BRINP3: variants seen among roughly 807,000 people sequenced by gnomAD.
BRINP3 encodes BMP/retinoic acid-inducible neural-specific protein 3.
A neutral mutation model predicts 71.0 loss-of-function variants in BRINP3; 19 were observed. That is an observed-to-expected ratio of 0.27 (90% CI 0.19 to 0.39). BRINP3 has a LOEUF of 0.39. BRINP3 is among the 10% of genes least tolerant of loss of function. The pLI, the probability that BRINP3 is intolerant of heterozygous loss-of-function variation, is 1.00. For synonymous variants in BRINP3, 380 were observed against 337.7 expected (o/e 1.13, Z -1.37); for missense variants, 959 against 940.8 (o/e 1.02, Z -0.25).
intron 2 of BRINP3, among the ~76,000 whole-genome samples, chr1:190,364,813 T>C (rs1669379737): frequency 6.6e-6 from 1 of 152,070 alleles, no homozygotes; most frequent in African/African-American, 2.4e-5. Flanking sequence ...AAAACTGGAA[T>C]TGGACTACCA....
chr1:190,155,284 T>C (rs1656768021), intron 7 of BRINP3, among the ~76,000 whole-genome samples: 1 of 152,116 alleles, frequency 6.6e-6, no homozygotes, highest in Non-Finnish European at 1.5e-5. Context: ...TTCATAATAA[T>C]AATATATTCA....
chr1:190,398,078 T>C (rs1339850152), intron 2 of BRINP3, among the ~76,000 whole-genome samples: 2 of 151,974 alleles, frequency 1.3e-5, no homozygotes, highest in South Asian at 2.1e-4. Context: ...AAAAATAACA[T>C]ATAAAAGCAC....
At chr1:190,238,339 A>T (rs939472555) in intron 4 of BRINP3, among the ~76,000 whole-genome samples, 3 of 152,048 alleles carry the variant, frequency 2.0e-5, no homozygotes, top group South Asian at 2.1e-4. Context: ...TTACATAATT[A>T]GTATTAAAAA....
intron 2 of BRINP3, among the ~76,000 whole-genome samples, chr1:190,289,113 C>G (rs1304014285): frequency 6.6e-6 from 1 of 151,650 alleles, no homozygotes; most frequent in Non-Finnish European, 1.5e-5. Flanking sequence ...TGCTTCATTT[C>G]AAGTTACATG....
At chr1:190,400,063 G>C (rs1671825500) in intron 2 of BRINP3, among the ~76,000 whole-genome samples, 3 of 151,982 alleles carry the variant, frequency 2.0e-5, no homozygotes. Context: ...TTCTACATAA[G>C]AAAGGTTGAT....
chr1:190,303,710 A>T (rs555884390), intron 2 of BRINP3, among the ~76,000 whole-genome samples: 5 of 151,834 alleles, frequency 3.3e-5, no homozygotes, highest in Non-Finnish European at 7.4e-5. Flanking sequence ...GATGGCACTG[A>T]ATTCACTCAA....
At chr1:190,116,201 G>A (rs569507360) in intron 7 of BRINP3, among the ~76,000 whole-genome samples, 6 of 152,140 alleles carry the variant, frequency 3.9e-5, no homozygotes, top group East Asian at 3.9e-4. Context: ...TAAATGTCAT[G>A]TAATTCCTGA....
intron 4 of BRINP3, 74 bp from the exon 5 acceptor site, chr1:190,234,551 C>A: frequency 2.8e-6 from 3 of 1,089,866 alleles, no homozygotes; most frequent in Non-Finnish European, 4.2e-6. Flanking sequence ...GTAGTTGTCA[C>A]ACACTAATAT....
At chr1:190,134,551 C>G (rs1235325937) in intron 7 of BRINP3, among the ~76,000 whole-genome samples, 3 of 151,994 alleles carry the variant, frequency 2.0e-5, no homozygotes, top group Non-Finnish European at 4.4e-5. Context: ...TATAGTTATA[C>G]TTTTAGGAAG....
chr1:190,379,997 CAAAAAA>C (rs34329313), intron 2 of BRINP3, among the ~76,000 whole-genome samples: 1 of 100,904 alleles, frequency 9.9e-6, no homozygotes, highest in African/African-American at 4.1e-5. Context: ...GACTCCACCT[CAAAAAA>C]AAAAAAAAAG....
At chr1:190,350,542 A>G (rs181771312) in intron 2 of BRINP3, among the ~76,000 whole-genome samples, 77 of 152,278 alleles carry the variant, frequency 5.1e-4, no homozygotes, top group Non-Finnish European at 7.8e-4. Flanking sequence ...ACTAATAACC[A>G]TGTGCATCCC....
Position 190,155,307 on chromosome 1 carries a change from G to T in BRINP3, c.1184+5361C>A, listed in dbSNP as rs537673169. Among the ~76,000 whole-genome samples the T allele has an allele frequency of 1.2e-4, 18 of 151,764 alleles. No homozygotes were observed. In the South Asian group the frequency reaches 3.7e-3, roughly 32 times the overall value. ...AATAATATATTCAATTGTTTTAATT[G>T]CTTGCTGCAGCCTGTGTGTCCTGAC... On this transcript the variant is annotated intron_variant, in intron 7 of 7. Transcript: ENST00000367462.
intron 4 of BRINP3, among the ~76,000 whole-genome samples, chr1:190,244,965 C>A (rs1027768364): frequency 6.6e-6 from 1 of 151,808 alleles, no homozygotes; most frequent in Non-Finnish European, 1.5e-5. Context: ...TTATTATAGC[C>A]GTTTGAAGTT....
chr1:190,124,611 T>A (rs1653943351), intron 7 of BRINP3, among the ~76,000 whole-genome samples: 1 of 152,138 alleles, frequency 6.6e-6, no homozygotes, highest in African/African-American at 2.4e-5. Context: ...AGTTTATAAC[T>A]ATTTTAGGAA....
chr1:190,310,503 T>C (rs887304579), intron 2 of BRINP3, among the ~76,000 whole-genome samples: 3 of 151,736 alleles, frequency 2.0e-5, no homozygotes, highest in Non-Finnish European at 4.4e-5. Flanking sequence ...AATTTCTTTC[T>C]GGAAAAAATA....
At chr1:190,294,982 T>C (rs1664143376) in intron 2 of BRINP3, among the ~76,000 whole-genome samples, 2 of 152,030 alleles carry the variant, frequency 1.3e-5, no homozygotes, top group South Asian at 4.2e-4. Flanking sequence ...AGCAGAAGGA[T>C]TCTCTCTCTA....
chr1:190,133,726 A>G (rs547185684), intron 7 of BRINP3, among the ~76,000 whole-genome samples: 5 of 152,248 alleles, frequency 3.3e-5, no homozygotes, highest in African/African-American at 1.2e-4. Context: ...ACATGTTACA[A>G]TAGTACATCC....
chr1:190,203,992 T>C (rs1245166253), intron 6 of BRINP3, among the ~76,000 whole-genome samples: 1 of 151,290 alleles, frequency 6.6e-6, no homozygotes, highest in Non-Finnish European at 1.5e-5. Flanking sequence ...TGAGGATATT[T>C]ACAGTTGTAA....
At chr1:190,327,740 A>G (rs942157972) in intron 2 of BRINP3, among the ~76,000 whole-genome samples, 8 of 152,132 alleles carry the variant, frequency 5.3e-5, no homozygotes, top group Admixed American at 5.2e-4. Flanking sequence ...GACAGATCAT[A>G]TAGGCAGAAA....
Sources: gnomAD v4.1 joint callset for allele counts (sites outside exome capture counted in the v4.1 genomes callset) on GRCh38, gnomAD v4.1.1 for gene constraint, MANE v1.5 for transcripts, NCBI Gene and HGNC (gene_info 2026-07-23, HGNC 2026-07-21) for gene names.